Variants in MAGI1 observed in about 807,000 individuals in gnomAD.
MAGI1 encodes the protein membrane-associated guanylate kinase, WW and PDZ domain-containing protein 1.
MAGI1 carries 58 observed loss-of-function variants against 139.9 expected under a neutral mutation model. The ratio of observed to expected loss-of-function variants is 0.41; its 90% CI spans 0.34 to 0.52. MAGI1 has a LOEUF of 0.52. Ranked by LOEUF, MAGI1 falls within the 20% of genes least tolerant of loss-of-function variation. MAGI1 has a pLI of 0.12. For missense variants in MAGI1, 1,874 were observed against 1,901.6 expected (o/e 0.99, Z 0.27); for synonymous variants, 812 against 737.9 (o/e 1.10, Z -1.63).
At position 65,357,024 on chromosome 3, in the gene MAGI1, G is replaced by A. The variant is rs1295654745; in HGVS notation, c.3743C>T (p.Pro1248Leu). 2.5e-6 allele frequency: 4 copies of A among 1,613,864 alleles called. No homozygotes were observed. In the East Asian group the frequency reaches 8.9e-5, roughly 36 times the overall value. ...ATGTGGTGATGATTTGTGAAGATCG[G>A]GTGGGTAACTGGACTCCAATGACGG... is the stretch of plus-strand genomic sequence containing the variant. Reference protein sequence around the residue: ...QHPSLESSYPPDLHKSSPHGE... With the variant: ...QHPSLESSYPLDLHKSSPHGE... Residue 1248 changes from proline to leucine, a missense_variant, in exon 23 of 23, where the codon CCC becomes CTC. Coordinates refer to ENST00000402939, the MANE Select transcript of MAGI1 (RefSeq NM_001033057.2).
chr3:66,038,163 G>A lies in MAGI1; in HGVS notation c.146C>T (p.Ala49Val). The change falls in exon 1 of 23, where the codon GCG (alanine) becomes GTG (valine). Residue 49 changes from alanine to valine, a missense_variant. Transcript: ENST00000402939. Reference protein sequence around the residue: ...GEFPYVGAVAAVEAAGLPGGG... With the variant: ...GEFPYVGAVAVVEAAGLPGGG... ...GCCGGGAAGCCCCGCTGCCTCGACC[G>A]CCGCCACCGCTCCGACGTACGGAAA... The A allele has an allele frequency of 6.2e-7, 1 of 1,611,822 alleles. No individual in the cohort carries two copies. Among genetic ancestry groups the A allele is most frequent in the South Asian group, 1.1e-5 (1 of 91,010 alleles).
At chr3:66,026,159 C>T (rs930970063) in intron 1 of MAGI1, among the ~76,000 whole-genome samples, 8 of 152,008 alleles carry the variant, frequency 5.3e-5, no homozygotes, top group Middle Eastern at 3.4e-3. Flanking sequence ...TAAATTCTAA[C>T]GCTTGGCCAA....
intron 1 of MAGI1, among the ~76,000 whole-genome samples, chr3:65,933,649 G>C (rs2062907908): frequency 6.6e-6 from 1 of 152,186 alleles, no homozygotes; most frequent in African/African-American, 2.4e-5. Context: ...TTATTGGGAG[G>C]AGAGGAGGGG....
chr3:65,861,659 G>A (rs947955383), intron 1 of MAGI1, among the ~76,000 whole-genome samples: 3 of 152,128 alleles, frequency 2.0e-5, no homozygotes, highest in Non-Finnish European at 4.4e-5. Context: ...TTCAGAGTGA[G>A]GAGCCACTTG....
intron 10 of MAGI1, among the ~76,000 whole-genome samples, chr3:65,432,111 CA>C (rs1161940768): frequency 6.6e-6 from 1 of 152,140 alleles, no homozygotes; most frequent in East Asian, 1.9e-4. Flanking sequence ...ACATTTTGAA[CA>C]TAAACCAAAA....
intron 1 of MAGI1, among the ~76,000 whole-genome samples, chr3:65,786,861 C>T (rs1027693755): frequency 5.3e-5 from 8 of 152,014 alleles, no homozygotes; most frequent in African/African-American, 1.2e-4. Flanking sequence ...GTGATCCGCC[C>T]GCCTCGGCCT....
intron 13 of MAGI1, among the ~76,000 whole-genome samples, chr3:65,392,622 C>A (rs17072822): frequency 0.035 from 5,283 of 152,244 alleles, 486 homozygotes; most frequent in East Asian, 0.28. Context: ...CTTGCTGTCT[C>A]CCCGAGTATC....
Position 65,880,692 on chromosome 3 carries a change from T to G in MAGI1, c.313+157304A>C, listed in dbSNP as rs565478766. Among the ~76,000 whole-genome samples the G allele has an allele frequency of 2.6e-5, 4 of 152,118 alleles. No individual in the cohort carries two copies. In the South Asian group the frequency reaches 8.3e-4, roughly 32 times the overall value. ...ACTAGATTCCACCGGGAGAACATCCTCACTAGCCCATCACAGCAGCAAAGG... is the reference window on the plus strand; with the variant it reads ...ACTAGATTCCACCGGGAGAACATCCGCACTAGCCCATCACAGCAGCAAAGG... On this transcript the variant is annotated intron_variant, in intron 1 of 22. Coordinates refer to ENST00000402939, the MANE Select transcript of MAGI1 (RefSeq NM_001033057.2).
At chr3:65,881,672 A>T (rs1254879761) in intron 1 of MAGI1, among the ~76,000 whole-genome samples, 1 of 152,156 alleles carries the variant, frequency 6.6e-6, no homozygotes, top group East Asian at 1.9e-4. Flanking sequence ...TAATAAGCTC[A>T]TCACACATTT....
intron 2 of MAGI1, among the ~76,000 whole-genome samples, chr3:65,576,928 C>T (rs554522550): frequency 6.6e-6 from 1 of 152,308 alleles, no homozygotes; most frequent in East Asian, 1.9e-4. Flanking sequence ...CAAATTCAGA[C>T]ATTTTGTCTA....
intron 1 of MAGI1, among the ~76,000 whole-genome samples, chr3:65,684,677 A>T (rs2087866794): frequency 6.6e-6 from 1 of 151,878 alleles, no homozygotes; most frequent in Non-Finnish European, 1.5e-5. Context: ...AAAACTGGGG[A>T]AATCTGACTA....
At chr3:65,378,179 A>C (rs971060407) in intron 17 of MAGI1, among the ~76,000 whole-genome samples, 5 of 152,320 alleles carry the variant, frequency 3.3e-5, no homozygotes, top group African/African-American at 1.2e-4. Context: ...AATGGGAAGC[A>C]GATTCATATA....
At chr3:65,813,896 T>G (rs2041438310) in intron 1 of MAGI1, among the ~76,000 whole-genome samples, 1 of 152,292 alleles carries the variant, frequency 6.6e-6, no homozygotes, top group Admixed American at 6.5e-5. Context: ...CGGACATATC[T>G]AAAGGTACCT....
At chr3:65,746,462 T>C (rs2035718032) in intron 1 of MAGI1, among the ~76,000 whole-genome samples, 1 of 152,238 alleles carries the variant, frequency 6.6e-6, no homozygotes, top group Non-Finnish European at 1.5e-5. Flanking sequence ...ATGGAGTCAC[T>C]ATATCAAACA....
chr3:65,662,675 T>C (rs777131869), intron 1 of MAGI1, among the ~76,000 whole-genome samples: 6 of 152,330 alleles, frequency 3.9e-5, no homozygotes, highest in South Asian at 4.1e-4. Flanking sequence ...CAAATTAACA[T>C]AGCCATCATC....
intron 1 of MAGI1, among the ~76,000 whole-genome samples, chr3:65,797,190 GACA>G (rs1049784283): frequency 6.6e-6 from 1 of 152,146 alleles, no homozygotes; most frequent in Non-Finnish European, 1.5e-5. Context: ...AATTAGTGCA[GACA>G]ATGTAAGCCA....
chr3:65,900,151 G>A (rs2061159988), intron 1 of MAGI1, among the ~76,000 whole-genome samples: 3 of 152,004 alleles, frequency 2.0e-5, no homozygotes, highest in African/African-American at 7.2e-5. Flanking sequence ...GAGATAGGCA[G>A]TATACACCCA....
intron 1 of MAGI1, among the ~76,000 whole-genome samples, chr3:65,825,865 G>A (rs1463743104): frequency 1.3e-5 from 2 of 152,088 alleles, no homozygotes; most frequent in African/African-American, 2.4e-5. Context: ...GTGCATGCCT[G>A]TAGTCCCAGC....
intron 1 of MAGI1, among the ~76,000 whole-genome samples, chr3:65,763,346 A>G (rs2037191060): frequency 6.6e-6 from 1 of 152,202 alleles, no homozygotes; most frequent in South Asian, 2.1e-4. Flanking sequence ...TTTCCATATA[A>G]GGGTTCCCAT....
Sources: allele counts gnomAD v4.1 joint callset (sites outside exome capture counted in the v4.1 genomes callset), GRCh38; gene constraint gnomAD v4.1.1; transcripts MANE v1.5; gene names NCBI Gene and HGNC (gene_info 2026-07-23, HGNC 2026-07-21).